CRIM1: variants seen among roughly 807,000 people sequenced by gnomAD.
CRIM1 encodes the protein cysteine-rich motor neuron 1 protein.
In CRIM1, 32 loss-of-function variants were observed where a neutral mutation model predicts 116.4. The ratio of observed to expected loss-of-function variants is 0.27; its 90% confidence interval spans 0.21 to 0.37. The LOEUF is 0.37. CRIM1 is among the 10% of genes least tolerant of loss of function. The pLI, the probability that CRIM1 is intolerant of heterozygous loss-of-function variation, is 1.00. For synonymous variants in CRIM1, 590 were observed against 509.2 expected (o/e 1.16, Z -2.13); for missense variants, 1,331 against 1,354.8 (o/e 0.98, Z 0.28).
At chr2:36,391,892 G>A (rs1234666448) in intron 1 of CRIM1, among the ~76,000 whole-genome samples, 2 of 151,800 alleles carry the variant, frequency 1.3e-5, no homozygotes, top group African/African-American at 2.4e-5. Context: ...TGTATTCACC[G>A]TGTACTTTCA....
intron 7 of CRIM1, among the ~76,000 whole-genome samples, chr2:36,489,743 T>C (rs1199342159): frequency 6.6e-6 from 1 of 152,222 alleles, no homozygotes; most frequent in Non-Finnish European, 1.5e-5. Flanking sequence ...AAAAGTAGTA[T>C]AAATGATTCT....
At chr2:36,540,890 G>T (rs1014958376) in intron 14 of CRIM1, among the ~76,000 whole-genome samples, 1 of 152,160 alleles carries the variant, frequency 6.6e-6, no homozygotes, top group South Asian at 2.1e-4. Context: ...AGTTTGATAA[G>T]AGAGAGTACA....
intron 1 of CRIM1, among the ~76,000 whole-genome samples, chr2:36,363,679 A>G (rs1313608127): frequency 6.8e-6 from 1 of 146,720 alleles, no homozygotes; most frequent in East Asian, 2.0e-4. Context: ...CAAATAATTA[A>G]AAATACTTAA....
chr2:36,442,732 C>T lies in CRIM1; in HGVS notation c.866C>T (p.Thr289Ile), dbSNP rs1273733095. The change falls in exon 4 of 17, where the codon ACA becomes ATA. Residue 289 changes from threonine (T) to isoleucine (I), a missense_variant. By Grantham distance (89) the Thr-to-Ile change is moderately conservative. Around this residue, in one of 3 missense-constraint regions of CRIM1, gnomAD observed 690 missense variants for 676.0 expected, o/e 1.02. Transcript: ENST00000280527. Reference protein sequence around the residue: ...LTADGCCTLPTRCECLSGLCG... With the variant: ...LTADGCCTLPIRCECLSGLCG... ...GCAGATGGTTGCTGTACTTTGCCAA[C>T]AAGGTTAGTTTGCCATTAGTTTGTC... 1 of 1,614,136 alleles carries T rather than the reference C, an allele frequency of 6.2e-7. No individual in the cohort carries two copies. The highest frequency in any genetic ancestry group is 8.5e-7 in the Non-Finnish European group (1 of 1,180,012).
At chr2:36,391,841 A>G (rs1671633241) in intron 1 of CRIM1, among the ~76,000 whole-genome samples, 1 of 151,828 alleles carries the variant, frequency 6.6e-6, no homozygotes. Context: ...ATACTTTAGT[A>G]TGAATAGAGG....
At chr2:36,362,076 C>G (rs1669258092) in intron 1 of CRIM1, among the ~76,000 whole-genome samples, 1 of 151,982 alleles carries the variant, frequency 6.6e-6, no homozygotes, top group South Asian at 2.1e-4. Context: ...GGGGACCTCT[C>G]CAACATATTC....
Position 36,372,130 on chromosome 2 carries a change from C to T in CRIM1, c.331+15507C>T, listed in dbSNP as rs1669983072. Among the ~76,000 whole-genome samples the T allele has an allele frequency of 2.0e-5, 3 of 152,186 alleles. No homozygotes were observed. The South Asian group carries it at 6.2e-4, about 32-fold the overall frequency. On this transcript the variant is annotated intron_variant, in intron 1 of 16. Coordinates refer to ENST00000280527, the MANE Select transcript of CRIM1 (RefSeq NM_016441.3). ...ATATCCTAAGGAATTTTTAACTGTA[C>T]AGCTTCTTTGGGGAAGGAAATCCTA...
chr2:36,479,402 A>C (rs1679232109), intron 6 of CRIM1, 95 bp from the exon 7 acceptor site: 2 of 1,218,790 alleles, frequency 1.6e-6, no homozygotes, highest in Non-Finnish European at 2.4e-6. Flanking sequence ...AGAACTGCTG[A>C]TGACTAGAAC....
At position 36,547,157 on chromosome 2, in the gene CRIM1, C is replaced by G. The variant is rs146137601; in HGVS notation, c.2920C>G (p.Arg974Gly). The stretch of plus-strand genomic sequence containing the variant: ...GTGGATACCACTGCTTTGCTGGTAT[C>G]GAACACCAACTAAGGTACTGTCTTG... The part of the protein sequence containing the change: ...KQWIPLLCWY[R>G]TPTKPSSLNN... The change falls in exon 16 of 17, where the codon CGA becomes GGA. Residue 974 changes from arginine (R) to glycine (G), a missense_variant. Physicochemically the swap from Arg to Gly is moderately radical, Grantham distance 125. Around this residue, in one of 3 missense-constraint regions of CRIM1, gnomAD observed 283 missense variants for 242.8 expected, o/e 1.17. Coordinates refer to ENST00000280527, the MANE Select transcript of CRIM1 (RefSeq NM_016441.3). 2 of 1,611,360 alleles carry G rather than the reference C, an allele frequency of 1.2e-6. No individual in the cohort carries two copies. Among genetic ancestry groups the G allele is most frequent in the South Asian group, 1.1e-5 (1 of 90,682 alleles).
intron 8 of CRIM1, among the ~76,000 whole-genome samples, chr2:36,500,780 A>G (rs989328042): frequency 6.6e-6 from 1 of 152,224 alleles, no homozygotes; most frequent in Non-Finnish European, 1.5e-5. Context: ...CTAAGCATTT[A>G]TACCTTGAGT....
chr2:36,448,312 G>C (rs1324002005), intron 4 of CRIM1, among the ~76,000 whole-genome samples: 1 of 152,246 alleles, frequency 6.6e-6, no homozygotes, highest in African/African-American at 2.4e-5. Flanking sequence ...GATCCAGCCT[G>C]GGCTATACAT....
intron 8 of CRIM1, among the ~76,000 whole-genome samples, chr2:36,506,576 G>T (rs1681444755): frequency 1.3e-5 from 2 of 152,008 alleles, no homozygotes; most frequent in South Asian, 4.2e-4. Context: ...TATTTTTCCA[G>T]AATGAACAGA....
At position 36,410,836 on chromosome 2, in the gene CRIM1, T is replaced by G. The variant is rs151223876; in HGVS notation, c.505+14049T>G. Among the ~76,000 whole-genome samples the G allele has an allele frequency of 3.3e-3, 498 of 152,340 alleles. 2 individuals are homozygous for G. The highest frequency in any genetic ancestry group is 0.011 in the African/African-American group (465 of 41,584). On this transcript the variant is annotated intron_variant, in intron 2 of 16. Coordinates refer to ENST00000280527, the MANE Select transcript of CRIM1 (RefSeq NM_016441.3). ...ATGAAAAGACACTTGTTTCAGTGTTTGAGTTCATGGCAGGGTGCATTAACG... is the reference window on the plus strand; with the variant it reads ...ATGAAAAGACACTTGTTTCAGTGTTGGAGTTCATGGCAGGGTGCATTAACG...
intron 4 of CRIM1, among the ~76,000 whole-genome samples, chr2:36,453,930 A>G (rs182340394): frequency 1.3e-4 from 20 of 152,336 alleles, no homozygotes; most frequent in African/African-American, 4.1e-4. Context: ...TGTGTCTTGC[A>G]GCTTAAAACA....
At chr2:36,481,824 A>G (rs1679440848) in intron 7 of CRIM1, among the ~76,000 whole-genome samples, 1 of 152,186 alleles carries the variant, frequency 6.6e-6, no homozygotes. Flanking sequence ...ACAGCATCCC[A>G]GCCTAACTCA....
intron 2 of CRIM1, among the ~76,000 whole-genome samples, chr2:36,411,703 A>G (rs1023530055): frequency 6.6e-6 from 1 of 150,956 alleles, no homozygotes; most frequent in African/African-American, 2.4e-5. Flanking sequence ...CCTGTGTGCT[A>G]TTAAATGTGA....
chr2:36,493,830 T>C (rs1424972240), intron 7 of CRIM1, among the ~76,000 whole-genome samples: 1 of 152,180 alleles, frequency 6.6e-6, no homozygotes, highest in Admixed American at 6.5e-5. Context: ...ATAAAAATTA[T>C]TGTATTGTTT....
intron 1 of CRIM1, among the ~76,000 whole-genome samples, chr2:36,367,463 C>T (rs1478811136): frequency 6.6e-6 from 1 of 152,132 alleles, no homozygotes; most frequent in African/African-American, 2.4e-5. Flanking sequence ...TTAAATAAAA[C>T]CCTTCAACTT....
intron 5 of CRIM1, among the ~76,000 whole-genome samples, chr2:36,470,343 A>C (rs894710541): frequency 1.3e-5 from 2 of 152,196 alleles, no homozygotes; most frequent in Non-Finnish European, 2.9e-5. Flanking sequence ...TGGCTACACT[A>C]AACAACAGAT....
Sources: allele counts gnomAD v4.1 joint callset (sites outside exome capture counted in the v4.1 genomes callset), GRCh38; gene constraint gnomAD v4.1.1; regional missense constraint gnomAD v4.1.1; transcripts MANE v1.5; gene names NCBI Gene and HGNC (gene_info 2026-07-23, HGNC 2026-07-21).